ALPK3: variants seen among roughly 807,000 people sequenced by gnomAD.
ALPK3 encodes the protein alpha kinase 3.
In ALPK3, 102 loss-of-function variants were observed where a neutral mutation model predicts 140.0. That is an observed-to-expected ratio of 0.73 (90% CI 0.62 to 0.86). The LOEUF (loss-of-function observed/expected upper bound fraction) is 0.86. ALPK3 is among the 40% of genes least tolerant of loss of function. ALPK3 has a pLI of 0.00. For missense variants in ALPK3, 2,254 were observed against 2,208.2 expected, an observed-to-expected ratio of 1.02 and a Z score of -0.42; for synonymous variants, 938 against 898.5, an observed-to-expected ratio of 1.04 and a Z score of -0.79.
At chr15:84,858,664 G>T in intron 6 of ALPK3, 109 bp downstream of exon 6, 1 of 1,418,862 alleles carries the variant, frequency 7.0e-7, no homozygotes, top group Non-Finnish European at 9.2e-7. Context: ...ATCCCTCCTC[G>T]GGATTCATAA....
Position 84,823,326 on chromosome 15 carries a change from T to G in ALPK3, c.144-4T>G. Reference sequence around the variant, plus strand: ...TAATGATTCCATTTGCTGTTTTTGCTTAGCTTATCAAGCAACCGGTTGTCT... The same window carrying G: ...TAATGATTCCATTTGCTGTTTTTGCGTAGCTTATCAAGCAACCGGTTGTCT... On this transcript the variant is annotated splice_region_variant and splice_polypyrimidine_tract_variant and intron_variant, in intron 1 of 13. Coordinates refer to ENST00000258888, the MANE Select transcript of ALPK3 (RefSeq NM_020778.5). 1 of 1,614,236 alleles carries G rather than the reference T, an allele frequency of 6.2e-7. No individual in the cohort carries two copies. Among genetic ancestry groups the G allele is most frequent in the African/African-American group, 1.3e-5 (1 of 75,068 alleles).
chr15:84,839,030 C>G lies in ALPK3; in HGVS notation c.355C>G (p.Arg119Gly). ...TWYKDDTELDRYCGLPKYEIT... is the reference protein window; with the variant it reads ...TWYKDDTELDGYCGLPKYEIT... ...GTACAAGGATGATACGGAGCTGGACCGCTACTGTGGCTTGCCAAAATATGA... is the reference window on the plus strand; with the variant it reads ...GTACAAGGATGATACGGAGCTGGACGGCTACTGTGGCTTGCCAAAATATGA... The change falls in exon 4 of 14, where the codon CGC becomes GGC. Residue 119 changes from arginine to glycine, a missense_variant. Physicochemically the swap from Arg to Gly is moderately radical, Grantham distance 125. Around this residue, in one of 3 missense-constraint regions of ALPK3, gnomAD observed 2,088 missense variants for 2,022.9 expected, o/e 1.03. Transcript: ENST00000258888. 2 of 1,613,868 alleles carry G rather than the reference C, an allele frequency of 1.2e-6. No individual in the cohort carries two copies. Among genetic ancestry groups the G allele is most frequent in the Non-Finnish European group, 8.5e-7 (1 of 1,179,876 alleles).
chr15:84,859,672 G>A, intron 7 of ALPK3, 104 bp from the exon 8 acceptor site: 1 of 1,448,786 alleles, frequency 6.9e-7, no homozygotes, highest in Non-Finnish European at 9.1e-7. Context: ...AAAGCTCTCA[G>A]AGCTGGGGTT....
intron 6 of ALPK3, 83 bp downstream of exon 6, chr15:84,858,638 C>T: frequency 6.8e-7 from 1 of 1,464,456 alleles, no homozygotes; most frequent in Non-Finnish European, 9.0e-7. Context: ...CAGCACTACC[C>T]CATGACAGAT....
At chr15:84,824,762 T>A (rs1963466801) in intron 2 of ALPK3, among the ~76,000 whole-genome samples, 1 of 152,348 alleles carries the variant, frequency 6.6e-6, no homozygotes. Flanking sequence ...ATGATTAGTC[T>A]GTGATATCCT....
intron 5 of ALPK3, 38 bp from the exon 6 acceptor site, chr15:84,856,354 A>G (rs1292910167): frequency 1.9e-6 from 3 of 1,551,144 alleles, no homozygotes; most frequent in African/African-American, 1.4e-5. Flanking sequence ...CTGAATGTCC[A>G]TGTAGTTAAA....
chr15:84,857,468 A>G lies in ALPK3; in HGVS notation c.2730A>G (p.Pro910=). 6.2e-6 allele frequency: 10 copies of G among 1,611,140 alleles called. No individual in the cohort carries two copies. The highest frequency in any genetic ancestry group is 8.5e-6 in the Non-Finnish European group (10 of 1,178,124). The change falls in exon 6 of 14, where the codon CCA becomes CCG. Residue 910 remains proline (P), a synonymous_variant. Coordinates refer to ENST00000258888, the MANE Select transcript of ALPK3 (RefSeq NM_020778.5). ...SEDQVLMSSA[P]TLHLGLGTPT... is the part of the protein sequence containing the mutation. ...ATCAGGTCCTGATGAGTTCTGCCCC[A>G]ACACTGCACCTGGGGCTGGGGACCC...
At position 84,868,685 on chromosome 15, in the gene ALPK3, C is replaced by G. The variant is rs889428355; in HGVS notation, c.*229C>G. 1.8e-6 allele frequency: 1 copy of G among 569,932 alleles called. No individual in the cohort carries two copies. The highest frequency in any genetic ancestry group is 2.9e-5 in the East Asian group (1 of 33,980). 35.3% of individuals were successfully genotyped at this position (569,932 alleles called of 1,614,324 possible). On this transcript the variant is annotated 3_prime_UTR_variant, in exon 14 of 14. Transcript: ENST00000258888. ...TGGTGCCACTGTCACCCAGGGCTCC[C>G]GGGCCTCAAGCAGTCCCCACCTCCA...
Position 84,859,866 on chromosome 15 carries a change from C to G in ALPK3, c.4056C>G (p.His1352Gln). 2 of 1,614,044 alleles carry G rather than the reference C, an allele frequency of 1.2e-6. No homozygotes were observed. The highest frequency in any genetic ancestry group is 1.7e-6 in the Non-Finnish European group (2 of 1,180,028). The part of the protein sequence containing the change: ...GVYRCTIHNE[H>Q]GSASTDFCLS... ...ATCGGTGCACCATCCACAATGAGCA[C>G]GGCTCGGCCTCCACCGACTTCTGCC... Residue 1352 changes from histidine to glutamine, a missense_variant, in exon 8 of 14, where the codon CAC becomes CAG. Physicochemically the swap from His to Gln is conservative, Grantham distance 24. Transcript: ENST00000258888.
At chr15:84,846,863 C>T (rs1963737011) in intron 5 of ALPK3, among the ~76,000 whole-genome samples, 1 of 151,996 alleles carries the variant, frequency 6.6e-6, no homozygotes, top group African/African-American at 2.4e-5. Context: ...CTCCTGGGTT[C>T]AAGAGATTCT....
Position 84,840,834 on chromosome 15 carries a change from C to T in ALPK3, c.1555C>T (p.Gln519Ter). The change falls in exon 5 of 14, where the codon CAG becomes TAG. Residue 519 changes from glutamine to a stop codon, truncating the protein, a stop_gained. Coordinates refer to ENST00000258888, the MANE Select transcript of ALPK3 (RefSeq NM_020778.5). LOFTEE classifies it high-confidence loss of function. ...GAQSLGKAPP[Q>*]ASVQVPTPPA... ...CCAGAGCTTAGGAAAGGCCCCACCT[C>T]AGGCCTCTGTGCAGGTGCCGACGCC... 1 of 1,614,252 alleles carries T rather than the reference C, an allele frequency of 6.2e-7. No individual in the cohort carries two copies. The highest frequency in any genetic ancestry group is 8.5e-7 in the Non-Finnish European group (1 of 1,180,034).
rs757253502 is a variant in ALPK3, at chr15:84,856,600, G to A, written c.1862G>A (p.Arg621Lys). The A allele has an allele frequency of 3.1e-6, 5 of 1,614,172 alleles. No homozygotes were observed. The East Asian group carries it at 8.9e-5, about 29-fold the overall frequency. ...GATGGGAAGATACAAGTGGATGGAA[G>A]GACCAGGGGAGATGGAACACAGACA... ...QADGKIQVDG[R>K]TRGDGTQTAQ... The change falls in exon 6 of 14, where the codon AGG becomes AAG. Residue 621 changes from arginine to lysine, a missense_variant. Physicochemically the swap from Arg to Lys is conservative, Grantham distance 26 (BLOSUM62 2). Coordinates refer to ENST00000258888, the MANE Select transcript of ALPK3 (RefSeq NM_020778.5).
At position 84,839,819 on chromosome 15, in the gene ALPK3, C is replaced by A; in HGVS notation, c.540C>A (p.Arg180=). The change falls in exon 5 of 14, where the codon CGC becomes CGA. Residue 180 remains arginine, a synonymous_variant. Coordinates refer to ENST00000258888, the MANE Select transcript of ALPK3 (RefSeq NM_020778.5). ...GTMTEYKIHQ[R]WFAKLKRKAA... ...TGACTGAGTACAAGATCCACCAGCG[C>A]TGGTTCGCCAAGTTGAAGCGCAAGG... is the stretch of plus-strand genomic sequence containing the variant. 1.2e-6 allele frequency: 2 copies of A among 1,614,106 alleles called. No homozygotes were observed. The highest frequency in any genetic ancestry group is 1.3e-5 in the African/African-American group (1 of 75,056).
Position 84,823,339 on chromosome 15 carries a change from C to T in ALPK3, c.153C>T (p.Ser51=). ...TGCTGTTTTTGCTTAGCTTATCAAG[C>T]AACCGGTTGTCTCACCCCAGCTCTG... The part of the protein sequence containing the change: ...LSVRPETSLS[S]NRLSHPSSGR... Residue 51 remains serine, a synonymous_variant, in exon 2 of 14, where the codon AGC becomes AGT. Transcript: ENST00000258888. 6.2e-7 allele frequency: 1 copy of T among 1,614,208 alleles called. No homozygotes were observed. Among genetic ancestry groups the T allele is most frequent in the Non-Finnish European group, 8.5e-7 (1 of 1,180,044 alleles).
At chr15:84,848,069 A>AAT (rs949355790) in intron 5 of ALPK3, among the ~76,000 whole-genome samples, 2 of 151,864 alleles carry the variant, frequency 1.3e-5, no homozygotes, top group East Asian at 1.9e-4. Flanking sequence ...CTCAAAAAAA[A>AAT]AAAAATAAAA....
chr15:84,817,821 A>G (rs1311699685), intron 1 of ALPK3, among the ~76,000 whole-genome samples: 8 of 152,180 alleles, frequency 5.3e-5, no homozygotes, highest in African/African-American at 1.9e-4. Flanking sequence ...TCGAGGCTCA[A>G]GAGAGGACAA....
intron 13 of ALPK3, 31 bp from the exon 14 acceptor site, chr15:84,868,080 C>G: frequency 6.3e-7 from 1 of 1,584,484 alleles, no homozygotes; most frequent in Non-Finnish European, 8.6e-7. Context: ...CTGGTTGGGA[C>G]CCCCACTCAG....
rs140730624 is a variant in ALPK3 at position 84,863,851 on chromosome 15, T to C, written c.4499+211T>C. ...TTGAGAAAAGCCTCTGCTCTGGACT[T>C]GAGTCCCGCCCACCCCGGTTCCTCA... On this transcript the variant is annotated intron_variant, in intron 11 of 13. Transcript: ENST00000258888. Among the ~76,000 whole-genome samples the C allele has an allele frequency of 3.5e-3, 539 of 152,326 alleles. 2 individuals are homozygous for C. The highest frequency in any genetic ancestry group is 0.012 in the African/African-American group (500 of 41,574).
chr15:84,858,637 C>T (rs1295738480), intron 6 of ALPK3, 82 bp downstream of exon 6: 1 of 1,464,776 alleles, frequency 6.8e-7, no homozygotes. Flanking sequence ...ACAGCACTAC[C>T]CCATGACAGA....
Sources: allele counts gnomAD v4.1 joint callset (sites outside exome capture counted in the v4.1 genomes callset), GRCh38; gene constraint gnomAD v4.1.1; regional missense constraint gnomAD v4.1.1; transcripts MANE v1.5; gene names NCBI Gene and HGNC (gene_info 2026-07-23, HGNC 2026-07-21).